The following MYH15 variants were observed in gnomAD, a reference collection of about 807,000 sequenced individuals.
MYH15 encodes the protein myosin heavy chain 15.
A neutral mutation model predicts 240.5 loss-of-function variants in MYH15; 227 were observed. That is an observed-to-expected ratio of 0.94 (90% CI 0.85 to 1.05). The LOEUF is 1.05. Ranked by LOEUF, MYH15 falls within the 50% of genes least tolerant of loss-of-function variation. The pLI is 0.00. For synonymous variants in MYH15, 785 were observed against 796.7 expected, an observed-to-expected ratio of 0.99 and a Z score of 0.25; for missense variants, 2,217 against 2,247.5, an observed-to-expected ratio of 0.99 and a Z score of 0.27.
intron 11 of MYH15, among the ~76,000 whole-genome samples, chr3:108,477,046 A>G (rs2083227828): frequency 1.3e-5 from 2 of 152,204 alleles, no homozygotes; most frequent in South Asian, 2.1e-4. Context: ...CATTATTCAC[A>G]ATAGTCAAAA....
intron 1 of MYH15, among the ~76,000 whole-genome samples, chr3:108,517,712 C>T (rs2083585758): frequency 6.6e-6 from 1 of 152,206 alleles, no homozygotes; most frequent in African/African-American, 2.4e-5. Flanking sequence ...AAGTGATCCA[C>T]CCACCTCGAC....
At chr3:108,513,336 G>A (rs1055357656), upstream of MYH15, among the ~76,000 whole-genome samples, 14 of 152,238 alleles carry the variant, frequency 9.2e-5, no homozygotes, top group African/African-American at 2.4e-4. Flanking sequence ...AAACAAACTT[G>A]TATCTGATAC....
At chr3:108,469,781 C>T (rs1032973377) in intron 14 of MYH15, among the ~76,000 whole-genome samples, 1 of 152,226 alleles carries the variant, frequency 6.6e-6, no homozygotes, top group East Asian at 1.9e-4. Context: ...TTTCCGCTCA[C>T]GTTAACAGTG....
Position 108,430,964 on chromosome 3 carries a change from A to G in MYH15, c.3222-42T>C, listed in dbSNP as rs567738636. 12 of 1,375,554 alleles carry G rather than the reference A, an allele frequency of 8.7e-6. No homozygotes were observed. In the East Asian group the frequency reaches 2.5e-4, roughly 29 times the overall value. 85.2% of individuals were successfully genotyped at this position (1,375,554 alleles called of 1,614,324 possible). A position where few individuals can be genotyped will look rare whatever the true frequency, so the allele number is the denominator to read the frequency against. On this transcript the variant is annotated intron_variant, in intron 25 of 40. Transcript: ENST00000693548. The stretch of plus-strand genomic sequence containing the variant: ...ATCAAATACAATTGTTCAGAATAAT[A>G]ACATTTTGTTTAAAGTAGTTAGAAT...
chr3:108,400,487 T>C (rs2082495569), intron 33 of MYH15, among the ~76,000 whole-genome samples: 2 of 152,140 alleles, frequency 1.3e-5, no homozygotes, highest in Non-Finnish European at 2.9e-5. Context: ...AGATTCCATG[T>C]TGAATTGTCA....
At chr3:108,427,657 AAG>A (rs1166093050) in intron 27 of MYH15, among the ~76,000 whole-genome samples, 6 of 111,230 alleles carry the variant, frequency 5.4e-5, no homozygotes, top group Middle Eastern at 4.9e-3. Flanking sequence ...GAGAGAGAGA[AAG>A]AGAGAGAGAG....
intron 35 of MYH15, among the ~76,000 whole-genome samples, chr3:108,396,343 G>GT (rs1553762808): frequency 3.3e-5 from 5 of 151,382 alleles, no homozygotes; most frequent in South Asian, 4.2e-4. Context: ...AGGTAGCAGG[G>GT]TTGGGGGGAG....
chr3:108,539,524 C>A, the MYH15 span, among the ~76,000 whole-genome samples: 6 of 151,910 alleles, frequency 3.9e-5, no homozygotes, highest in African/African-American at 7.3e-5. Flanking sequence ...GATCTAATAC[C>A]TGGTTATTTA....
intron 33 of MYH15, among the ~76,000 whole-genome samples, chr3:108,399,887 G>GA (rs567456929): frequency 2.6e-5 from 4 of 151,912 alleles, no homozygotes. Context: ...TCCTTCCTAA[G>GA]AAAAAAAACT....
At chr3:108,548,054 T>C in the MYH15 span, among the ~76,000 whole-genome samples, 1 of 152,180 alleles carries the variant, frequency 6.6e-6, no homozygotes, top group Non-Finnish European at 1.5e-5. Flanking sequence ...GTTAGCTACA[T>C]AAGCAGAGGT....
the MYH15 span, among the ~76,000 whole-genome samples, chr3:108,537,591 G>T: frequency 1.3e-5 from 2 of 152,158 alleles, no homozygotes; most frequent in Non-Finnish European, 2.9e-5. Context: ...CAACAAGGCA[G>T]CATCTTAGAA....
chr3:108,392,995 C>T lies in MYH15; in HGVS notation c.5259+1036G>A, dbSNP rs535810496. Among the ~76,000 whole-genome samples, 4 of 152,300 alleles carry T rather than the reference C, an allele frequency of 2.6e-5. No homozygotes were observed. The East Asian group carries it at 7.7e-4, about 29-fold the overall frequency. ...GAGTGAATAGGCATGGTTGCCCATT[C>T]TTAGAGGGGGCTGGATTCTACAATG... On this transcript the variant is annotated intron_variant, in intron 36 of 40. Coordinates refer to ENST00000693548, the MANE Select transcript of MYH15 (RefSeq NM_014981.3).
intron 1 of MYH15, among the ~76,000 whole-genome samples, chr3:108,509,620 C>A (rs546091189): frequency 6.6e-6 from 1 of 152,112 alleles, no homozygotes; most frequent in African/African-American, 2.4e-5. Flanking sequence ...AATACTAGAA[C>A]GACATTCAGC....
rs1173470254 is a variant in MYH15, at chr3:108,399,178, T to C, written c.4826A>G (p.Lys1609Arg). The C allele has an allele frequency of 5.0e-6, 8 of 1,614,162 alleles. No individual in the cohort carries two copies. Among genetic ancestry groups the C allele is most frequent in the African/African-American group, 1.3e-5 (1 of 75,066 alleles). Residue 1609 changes from lysine (K) to arginine (R), a missense_variant, in exon 34 of 41, where the codon AAG becomes AGG. Transcript: ENST00000693548. ...CATCTCATTGAGGTCCTCTTCCATC[T>C]TCTTCTTCAGCCGGGTAACCTCAAT... ...SRIEVTRLKK[K>R]MEEDLNEMEL...
intron 19 of MYH15, 125 bp from the exon 20 acceptor site, chr3:108,455,984 T>C: frequency 1.1e-6 from 1 of 916,210 alleles, no homozygotes; most frequent in Non-Finnish European, 1.6e-6. Context: ...TGTTCAATTT[T>C]CACAAGATTC....
At chr3:108,513,001 G>A (rs1360048137), upstream of MYH15, among the ~76,000 whole-genome samples, 2 of 152,110 alleles carry the variant, frequency 1.3e-5, no homozygotes, top group Non-Finnish European at 2.9e-5. Flanking sequence ...ACCCCCTAAT[G>A]TCCTACTGAC....
At position 108,381,270 on chromosome 3, in the gene MYH15, T is replaced by C; in HGVS notation, c.*275A>G. On this transcript the variant is annotated 3_prime_UTR_variant, in exon 41 of 41. Coordinates refer to ENST00000693548, the MANE Select transcript of MYH15 (RefSeq NM_014981.3). ...AAAGGATCAAGTATTTATTCATTTT[T>C]TAAACATCAGAATTGAAAAGGTTCT... The C allele has an allele frequency of 1.9e-6, 1 of 513,716 alleles. No individual in the cohort carries two copies. Among genetic ancestry groups the C allele is most frequent in the Non-Finnish European group, 3.5e-6 (1 of 287,452 alleles). The allele number at this position is 513,716 out of a possible 1,614,324, so 31.8% of individuals were successfully genotyped here. A position where few individuals can be genotyped will look rare whatever the true frequency, so the allele number is the denominator to read the frequency against.
intron 3 of MYH15, among the ~76,000 whole-genome samples, chr3:108,501,338 G>A (rs753246981): frequency 2.0e-5 from 3 of 152,132 alleles, no homozygotes; most frequent in South Asian, 2.1e-4. Flanking sequence ...ATTGAACTAC[G>A]TGCTTTACCT....
intron 9 of MYH15, among the ~76,000 whole-genome samples, chr3:108,488,124 T>C (rs2083319907): frequency 6.6e-6 from 1 of 152,142 alleles, no homozygotes; most frequent in African/African-American, 2.4e-5. Flanking sequence ...TTCAAGTATA[T>C]AATACATTGT....
Sources: gnomAD v4.1 joint callset for allele counts (sites outside exome capture counted in the v4.1 genomes callset) on GRCh38, gnomAD v4.1.1 for gene constraint, MANE v1.5 for transcripts, NCBI Gene and HGNC (gene_info 2026-07-23, HGNC 2026-07-21) for gene names.